Variants in STON1 observed in about 807,000 individuals in gnomAD.
STON1 encodes stonin 1, also known as stonin-1.
Under a neutral mutation model 60.9 loss-of-function variants are expected in STON1, and 79 were observed. That is an observed-to-expected ratio of 1.30 (90% CI 1.08 to 1.56). The LOEUF is 1.56. Ranked by LOEUF, STON1 falls within the 40% of genes most tolerant of loss-of-function variation. STON1 has a pLI of 0.00. For synonymous variants in STON1, 363 were observed against 306.9 expected (o/e 1.18, Z -1.91); for missense variants, 1,166 against 858.9 (o/e 1.36, Z -4.47).
chr2:48,580,508 T>C, intron 1 of STON1, 79 bp from the exon 2 acceptor site: 2 of 1,249,768 alleles, frequency 1.6e-6, no homozygotes, highest in Non-Finnish European at 2.0e-6. Context: ...TAAGCATTTA[T>C]CAGAAGTAAA....
rs1161838602 is a variant in STON1 at position 48,597,820 on chromosome 2, T to C, written c.*2518T>C. 6.6e-6 allele frequency: 1 copy of C among 152,348 alleles called. No homozygotes were observed. Among genetic ancestry groups the C allele is most frequent in the African/African-American group, 2.4e-5 (1 of 41,434 alleles). The allele number at this position is 152,348 out of a possible 1,614,324, so 9.4% of individuals were successfully genotyped here. ...TATTCAATTCTTCTGACCTCAGAAC[T>C]GGCAGAAGGTCAGATGTGACTACAG... On this transcript the variant is annotated 3_prime_UTR_variant, in exon 4 of 4. Transcript: ENST00000404752.
At chr2:48,539,112 C>G (rs572558154) in intron 1 of STON1, among the ~76,000 whole-genome samples, 1 of 152,054 alleles carries the variant, frequency 6.6e-6, no homozygotes, top group East Asian at 1.9e-4. Flanking sequence ...GAGATGGGGT[C>G]TTGCTATGTT....
intron 1 of STON1, among the ~76,000 whole-genome samples, chr2:48,574,961 C>CTAGAA (rs1558621903): frequency 6.6e-6 from 1 of 152,234 alleles, no homozygotes; most frequent in Non-Finnish European, 1.5e-5. Context: ...CAGCAAATCT[C>CTAGAA]TAGAACCTTT....
intron 1 of STON1, among the ~76,000 whole-genome samples, chr2:48,554,224 T>C (rs1391732804): frequency 6.6e-6 from 1 of 152,062 alleles, no homozygotes; most frequent in Non-Finnish European, 1.5e-5. Context: ...TTTTATTTAT[T>C]TGTTTATTTG....
chr2:48,575,595 G>A (rs1031554522), intron 1 of STON1, among the ~76,000 whole-genome samples: 1 of 151,842 alleles, frequency 6.6e-6, no homozygotes, highest in Non-Finnish European at 1.5e-5. Flanking sequence ...AGAGGTTGCG[G>A]TGAGCCGAGA....
At chr2:48,573,008 G>A (rs763701423) in intron 1 of STON1, among the ~76,000 whole-genome samples, 1 of 152,244 alleles carries the variant, frequency 6.6e-6, no homozygotes, top group Non-Finnish European at 1.5e-5. Context: ...AATGACAACA[G>A]TGAGTGCTCT....
At position 48,581,241 on chromosome 2, in the gene STON1, G is replaced by A; in HGVS notation, c.608G>A (p.Ser203Asn). 6.6e-7 allele frequency: 1 copy of A among 1,516,812 alleles called. No individual in the cohort carries two copies. The allele number at this position is 1,516,812 out of a possible 1,614,324, so 94.0% of individuals were successfully genotyped here. A position where few individuals can be genotyped will look rare whatever the true frequency, so the allele number is the denominator to read the frequency against. ...CATTTCACCCTTGACCCACCAGGAAGCAAAAAGATGTTCTCATCAAGAAAC... is the reference window on the plus strand; with the variant it reads ...CATTTCACCCTTGACCCACCAGGAAACAAAAAGATGTTCTCATCAAGAAAC... ...DSHFTLDPPG[S>N]KKMFSSRNKE... is the part of the protein sequence containing the mutation. Residue 203 changes from serine to asparagine, a missense_variant, in exon 2 of 4, where the codon AGC becomes AAC. By Grantham distance (46) the Ser-to-Asn change is conservative (BLOSUM62 1). Coordinates refer to ENST00000404752, the MANE Select transcript of STON1 (RefSeq NM_006873.4).
At chr2:48,549,540 G>A (rs562215144) in intron 1 of STON1, among the ~76,000 whole-genome samples, 507 of 152,262 alleles carry the variant, frequency 3.3e-3, no homozygotes, top group Non-Finnish European at 5.6e-3. Context: ...GGCCGGGCGC[G>A]GTGGCTCACG....
chr2:48,564,295 A>G (rs555329420), intron 1 of STON1, among the ~76,000 whole-genome samples: 1 of 151,858 alleles, frequency 6.6e-6, no homozygotes, highest in Non-Finnish European at 1.5e-5. Context: ...GTCTAAGATC[A>G]GGGTACTAGC....
intron 1 of STON1, among the ~76,000 whole-genome samples, chr2:48,534,291 C>T (rs2177487): frequency 6.6e-6 from 1 of 151,768 alleles, no homozygotes; most frequent in African/African-American, 2.4e-5. Flanking sequence ...TTCGAAAACT[C>T]TTTGAGGTAA....
At chr2:48,531,621 C>T (rs1167487130) in intron 1 of STON1, 1 of 152,288 alleles carries the variant, frequency 6.6e-6, no homozygotes, top group Non-Finnish European at 1.5e-5. Context: ...TTGCAAACCT[C>T]TGCACACTCA....
intron 1 of STON1, among the ~76,000 whole-genome samples, chr2:48,566,498 G>T (rs1031287874): frequency 6.6e-6 from 1 of 151,530 alleles, no homozygotes; most frequent in Non-Finnish European, 1.5e-5. Flanking sequence ...GGTCAGGCTG[G>T]TCTCAATCTT....
intron 1 of STON1, among the ~76,000 whole-genome samples, chr2:48,573,113 G>C (rs997088361): frequency 3.9e-5 from 6 of 152,164 alleles, no homozygotes; most frequent in African/African-American, 1.4e-4. Context: ...ATCCACAAGG[G>C]GAGGCAAGAC....
At chr2:48,539,916 T>C (rs1332971638) in intron 1 of STON1, among the ~76,000 whole-genome samples, 1 of 152,180 alleles carries the variant, frequency 6.6e-6, no homozygotes, top group African/African-American at 2.4e-5. Context: ...ATTTCACATA[T>C]GGAGCAGCTT....
intron 1 of STON1, among the ~76,000 whole-genome samples, chr2:48,563,776 G>A (rs1036293487): frequency 2.0e-5 from 3 of 151,786 alleles, no homozygotes; most frequent in Non-Finnish European, 2.9e-5. Context: ...TCAATGCAGC[G>A]TCAACCTTCC....
chr2:48,531,372 A>T (rs1452468971), intron 1 of STON1: 2 of 152,170 alleles, frequency 1.3e-5, no homozygotes, highest in Admixed American at 6.5e-5. Flanking sequence ...CACATAATAA[A>T]AACAGCCCTA....
chr2:48,539,798 C>T (rs1313169939), intron 1 of STON1, among the ~76,000 whole-genome samples: 6 of 152,174 alleles, frequency 3.9e-5, no homozygotes, highest in Middle Eastern at 3.4e-3. Context: ...ATGTACTACA[C>T]GCCTGATTTC....
At chr2:48,592,428 A>G (rs1021222857) in intron 3 of STON1, among the ~76,000 whole-genome samples, 2 of 149,354 alleles carry the variant, frequency 1.3e-5, no homozygotes, top group Admixed American at 1.3e-4. Context: ...CTATTATGGT[A>G]GTTTTCAGTT....
chr2:48,553,391 C>T (rs1009761699), intron 1 of STON1, among the ~76,000 whole-genome samples: 1 of 151,296 alleles, frequency 6.6e-6, no homozygotes, highest in Non-Finnish European at 1.5e-5. Context: ...CTTCCCTTCC[C>T]ATCCCGTCCC....
Sources: allele counts gnomAD v4.1 joint callset (sites outside exome capture counted in the v4.1 genomes callset), GRCh38; gene constraint gnomAD v4.1.1; transcripts MANE v1.5; gene names NCBI Gene and HGNC (gene_info 2026-07-23, HGNC 2026-07-21).